The following TMEM219 variants were observed in gnomAD, a reference collection of about 807,000 sequenced individuals.
TMEM219 encodes the protein insulin-like growth factor-binding protein 3 receptor.
In TMEM219, 18 loss-of-function variants were observed where a neutral mutation model predicts 17.9. The ratio of observed to expected loss-of-function variants is 1.01; its 90% CI spans 0.70 to 1.49. TMEM219 has a LOEUF of 1.49. Ranked by LOEUF, TMEM219 falls within the 40% of genes most tolerant of loss-of-function variation. The pLI, the probability that TMEM219 is intolerant of heterozygous loss-of-function variation, is 0.00. For missense variants in TMEM219, 288 were observed against 292.4 expected (o/e 0.99, Z 0.11); for synonymous variants, 113 against 124.0 (o/e 0.91, Z 0.59).
In TMEM219 at chr16:29,963,382, G is replaced by A. The variant is rs372568185; in HGVS notation, c.166-18G>A. 33 of 1,613,540 alleles carry A rather than the reference G, an allele frequency of 2.0e-5. No homozygotes were observed. The African/African-American group carries it at 2.3e-4, about 11-fold the overall frequency. On this transcript the variant is annotated intron_variant, in intron 2 of 5. Coordinates refer to ENST00000279396, the MANE Select transcript of TMEM219 (RefSeq NM_001083613.2). ...TTTTGCTGCTAATCTCATCTCACCC[G>A]TCTTCTTTTGCTCACAGGACTGGGT...
chr16:29,963,383 T>C lies in TMEM219; in HGVS notation c.166-17T>C, dbSNP rs777389607. 1 of 1,613,670 alleles carries C rather than the reference T, an allele frequency of 6.2e-7. No homozygotes were observed. The highest frequency in any genetic ancestry group is 1.1e-5 in the South Asian group (1 of 91,070). On this transcript the variant is annotated splice_polypyrimidine_tract_variant and intron_variant, in intron 2 of 5. Transcript: ENST00000279396. Reference sequence around the variant, plus strand: ...TTTGCTGCTAATCTCATCTCACCCGTCTTCTTTTGCTCACAGGACTGGGTC... The same window carrying C: ...TTTGCTGCTAATCTCATCTCACCCGCCTTCTTTTGCTCACAGGACTGGGTC...
intron 3 of TMEM219, among the ~76,000 whole-genome samples, chr16:29,965,564 C>CAAAAAAA (rs35045736): frequency 4.8e-5 from 4 of 82,882 alleles, no homozygotes; most frequent in African/African-American, 9.7e-5. Context: ...ACTAAAAATA[C>CAAAAAAA]AAAAAAAAAA....
intron 3 of TMEM219, 73 bp downstream of exon 3, chr16:29,963,662 C>T (rs1380034384): frequency 6.4e-6 from 9 of 1,398,846 alleles, no homozygotes; most frequent in South Asian, 2.6e-5. Flanking sequence ...GTAGGTGGAT[C>T]ATTTGAGGTC....
intron 5 of TMEM219, chr16:29,972,234 A>G (rs1411021651): frequency 1.3e-5 from 2 of 152,232 alleles, no homozygotes; most frequent in Non-Finnish European, 2.9e-5. Flanking sequence ...CAGTTTTATG[A>G]TGGAAATTTT....
chr16:29,969,554 C>T (rs963378848), intron 4 of TMEM219, among the ~76,000 whole-genome samples: 1 of 151,626 alleles, frequency 6.6e-6, no homozygotes, highest in Admixed American at 6.6e-5. Context: ...TGGTACACAC[C>T]TATAGTCCCA....
At chr16:29,962,982 T>G (rs2069164281) in intron 1 of TMEM219, 125 bp from the exon 2 acceptor site, 1 of 786,682 alleles carries the variant, frequency 1.3e-6, no homozygotes, top group Non-Finnish European at 2.1e-6. Flanking sequence ...TCGGGAACCT[T>G]GGATTCTTGT....
chr16:29,968,879 G>A (rs1367345011), intron 4 of TMEM219, among the ~76,000 whole-genome samples: 1 of 152,212 alleles, frequency 6.6e-6, no homozygotes, highest in African/African-American at 2.4e-5. Flanking sequence ...GAAAGGGAGT[G>A]AATTGCTGCA....
intron 4 of TMEM219, 90 bp downstream of exon 4, chr16:29,968,344 G>A (rs748547086): frequency 9.0e-7 from 1 of 1,108,122 alleles, no homozygotes; most frequent in South Asian, 1.4e-5. Context: ...CTACCTTGTA[G>A]AAAAAGCACA....
chr16:29,963,122 G>T lies in TMEM219; in HGVS notation c.-22G>T. ...TGTCTTCCAGCAGGCTCTCCCCGGAGGCTCAGCCCCCTCTGCTCCCCATGG... is the reference window on the plus strand; with the variant it reads ...TGTCTTCCAGCAGGCTCTCCCCGGATGCTCAGCCCCCTCTGCTCCCCATGG... On this transcript the variant is annotated 5_prime_UTR_variant, in exon 2 of 6. The change creates a new upstream start codon in the 5' untranslated region. Transcript: ENST00000279396. 1 of 1,607,464 alleles carries T rather than the reference G, an allele frequency of 6.2e-7. No homozygotes were observed.
At chr16:29,971,762 T>C (rs2069292562) in intron 5 of TMEM219, 184 bp downstream of exon 5, 1 of 473,568 alleles carries the variant, frequency 2.1e-6, no homozygotes. Flanking sequence ...GCATTCAATA[T>C]TTTTCTAATT....
intron 3 of TMEM219, among the ~76,000 whole-genome samples, chr16:29,966,895 T>C (rs1397702041): frequency 6.6e-6 from 1 of 152,186 alleles, no homozygotes; most frequent in Non-Finnish European, 1.5e-5. Flanking sequence ...TTAGTTTGTA[T>C]AGTTCTTTAA....
chr16:29,963,741 G>C (rs1462815856), intron 3 of TMEM219, 152 bp downstream of exon 3: 3 of 712,998 alleles, frequency 4.2e-6, no homozygotes, highest in Non-Finnish European at 6.7e-6. Context: ...AAATTAGCCA[G>C]GCATGGTGGC....
At chr16:29,972,848 G>A (rs1443501473) in intron 5 of TMEM219, 102 bp from the exon 6 acceptor site, 1 of 152,220 alleles carries the variant, frequency 6.6e-6, no homozygotes, top group African/African-American at 2.4e-5. Flanking sequence ...TTGGTCTCTA[G>A]CTGTCACTCC....
At chr16:29,962,332 C>G (rs1293767783) in intron 1 of TMEM219, among the ~76,000 whole-genome samples, 200 bp downstream of exon 1, 1 of 152,160 alleles carries the variant, frequency 6.6e-6, no homozygotes, top group Non-Finnish European at 1.5e-5. Context: ...TTTGTGACAC[C>G]TACATTTCCG....
Position 29,963,170 on chromosome 16 carries a change from C to T in TMEM219, c.27C>T (p.Asn9=). ...TGGGCAACTGCCAGGCAGGGCACAA[C>T]CTGCACCTGTGTCTGGCCCACCACC... The part of the protein sequence containing the change: MGNCQAGH[N]LHLCLAHHPP... The change falls in exon 2 of 6, where the codon AAC becomes AAT. Residue 9 remains asparagine, a synonymous_variant. Coordinates refer to ENST00000279396, the MANE Select transcript of TMEM219 (RefSeq NM_001083613.2). 1 of 1,613,212 alleles carries T rather than the reference C, an allele frequency of 6.2e-7. No individual in the cohort carries two copies. Among genetic ancestry groups the T allele is most frequent in the South Asian group, 1.1e-5 (1 of 91,084 alleles).
chr16:29,967,478 GCA>G, intron 3 of TMEM219, among the ~76,000 whole-genome samples: 1 of 152,270 alleles, frequency 6.6e-6, no homozygotes, highest in African/African-American at 2.4e-5. Context: ...CAGGTAGGTG[GCA>G]CACACTTGTA....
At chr16:29,964,889 G>T (rs1186290533) in intron 3 of TMEM219, among the ~76,000 whole-genome samples, 1 of 152,162 alleles carries the variant, frequency 6.6e-6, no homozygotes, top group African/African-American at 2.4e-5. Context: ...TGCCAGTTCT[G>T]ATGTTCTTTG....
intron 3 of TMEM219, among the ~76,000 whole-genome samples, chr16:29,967,650 G>A (rs1338583877): frequency 2.0e-5 from 3 of 152,022 alleles, no homozygotes; most frequent in African/African-American, 2.4e-5. Flanking sequence ...GAAAAGGGCC[G>A]GGCACGGTGG....
At position 29,963,282 on chromosome 16, in the gene TMEM219, G is replaced by A. The variant is rs750953241; in HGVS notation, c.139G>A (p.Gly47Ser). The A allele has an allele frequency of 6.2e-7, 1 of 1,614,026 alleles. No homozygotes were observed. Among genetic ancestry groups the A allele is most frequent in the East Asian group, 2.2e-5 (1 of 44,872 alleles). Residue 47 changes from glycine to serine, a missense_variant, in exon 2 of 6, where the codon GGC becomes AGC. Coordinates refer to ENST00000279396, the MANE Select transcript of TMEM219 (RefSeq NM_001083613.2). ...CAGCTTCCTCCTCACCCACAGGACTGGCCTGCGCAGCCCTGACATCCCCCA... is the reference window on the plus strand; with the variant it reads ...CAGCTTCCTCCTCACCCACAGGACTAGCCTGCGCAGCCCTGACATCCCCCA... ...LGSFLLTHRT[G>S]LRSPDIPQDW...
Sources: allele counts gnomAD v4.1 joint callset (sites outside exome capture counted in the v4.1 genomes callset), GRCh38; gene constraint gnomAD v4.1.1; transcripts MANE v1.5; gene names NCBI Gene and HGNC (gene_info 2026-07-23, HGNC 2026-07-21).